Variants in ODAD2 observed in about 807,000 individuals in gnomAD.
The protein encoded by ODAD2 is outer dynein arm docking complex subunit 2.
Under a neutral mutation model 106.8 loss-of-function variants are expected in ODAD2, and 89 were observed. The observed-to-expected ratio is 0.83, with a 90% confidence interval of 0.70 to 0.99. The LOEUF (loss-of-function observed/expected upper bound fraction) is 0.99. Ranked by LOEUF, ODAD2 falls within the 50% of genes least tolerant of loss-of-function variation. The pLI, the probability that ODAD2 is intolerant of heterozygous loss-of-function variation, is 0.00. For missense variants in ODAD2, 1,168 were observed against 1,238.5 expected (o/e 0.94, Z 0.85); for synonymous variants, 404 against 436.2 (o/e 0.93, Z 0.92).
chr10:27,907,807 A>T (rs781058039), intron 16 of ODAD2, 30 bp from the exon 17 acceptor site: 52 of 1,398,598 alleles, frequency 3.7e-5, no homozygotes, highest in Admixed American at 1.5e-4. Context: ...CATGATATAA[A>T]CTGTCATTAG....
chr10:27,935,912 G>T (rs1424846724), intron 15 of ODAD2, among the ~76,000 whole-genome samples: 1 of 151,200 alleles, frequency 6.6e-6, no homozygotes, highest in Non-Finnish European at 1.5e-5. Context: ...CTACATAAAG[G>T]TAAATATTTG....
intron 1 of ODAD2, chr10:27,995,550 G>C (rs994339967): frequency 5.9e-6 from 1 of 168,664 alleles, no homozygotes; most frequent in African/African-American, 2.4e-5. Flanking sequence ...AGCTCTGTTG[G>C]GAGCCAGCAG....
At chr10:27,876,882 C>A (rs1841377500) in intron 17 of ODAD2, among the ~76,000 whole-genome samples, 1 of 152,180 alleles carries the variant, frequency 6.6e-6, no homozygotes, top group South Asian at 2.1e-4. Flanking sequence ...TGGTCATTCA[C>A]AGCTAAAGGC....
rs373274785 is a variant in ODAD2 at position 27,978,159 on chromosome 10, G to C, written c.936+3307C>G. On this transcript the variant is annotated intron_variant, in intron 7 of 19. Transcript: ENST00000305242. ...CAAATTGTGGCATATCCATACAATG[G>C]AATAATACACATCCATAAAAGCAAT... is the stretch of plus-strand genomic sequence containing the variant. Among the ~76,000 whole-genome samples the C allele has an allele frequency of 9.2e-5, 14 of 152,028 alleles. No homozygotes were observed. In the East Asian group the frequency reaches 1.5e-3, roughly 17 times the overall value.
intron 19 of ODAD2, among the ~76,000 whole-genome samples, chr10:27,857,422 T>A (rs1007209793): frequency 2.0e-5 from 3 of 152,194 alleles, no homozygotes; most frequent in Admixed American, 6.5e-5. Flanking sequence ...ATATGTGGAT[T>A]TTGACAGTGT....
chr10:27,991,069 ACC>A (rs1368692971), intron 2 of ODAD2, among the ~76,000 whole-genome samples: 2 of 152,188 alleles, frequency 1.3e-5, no homozygotes, highest in African/African-American at 4.8e-5. Context: ...GGTTCTATGT[ACC>A]ACAGATGGTA....
chr10:27,917,538 G>C (rs1362656788), intron 16 of ODAD2, among the ~76,000 whole-genome samples: 1 of 151,948 alleles, frequency 6.6e-6, no homozygotes, highest in African/African-American at 2.4e-5. Flanking sequence ...AGATATTAAT[G>C]AAACAGGGAA....
At chr10:27,980,946 G>A (rs1274312298) in intron 7 of ODAD2, among the ~76,000 whole-genome samples, 1 of 152,144 alleles carries the variant, frequency 6.6e-6, no homozygotes, top group African/African-American at 2.4e-5. Flanking sequence ...AGGGATGAAT[G>A]CATAAACCAA....
intron 16 of ODAD2, among the ~76,000 whole-genome samples, chr10:27,933,481 T>C (rs1383677549): frequency 6.6e-6 from 1 of 152,056 alleles, no homozygotes; most frequent in Non-Finnish European, 1.5e-5. Flanking sequence ...AATTTCAATG[T>C]TTTCAGGAAC....
intron 19 of ODAD2, among the ~76,000 whole-genome samples, chr10:27,859,888 A>G (rs1293276677): frequency 1.3e-5 from 2 of 152,158 alleles, no homozygotes; most frequent in Admixed American, 1.3e-4. Flanking sequence ...TATTGTTGTT[A>G]TGGTTTAGAC....
intron 19 of ODAD2, among the ~76,000 whole-genome samples, chr10:27,844,627 G>A (rs771566473): frequency 6.6e-6 from 1 of 152,134 alleles, no homozygotes; most frequent in African/African-American, 2.4e-5. Context: ...TTCTTTATCT[G>A]TAAAACTAAG....
At chr10:27,820,183 T>C (rs1476116236) in intron 19 of ODAD2, among the ~76,000 whole-genome samples, 1 of 152,082 alleles carries the variant, frequency 6.6e-6, no homozygotes, top group Non-Finnish European at 1.5e-5. Context: ...CTGACCTCCA[T>C]GGACACCAAT....
Position 27,885,703 on chromosome 10 carries a change from T to A in ODAD2, c.2610+21960A>T, listed in dbSNP as rs1842110562. Among the ~76,000 whole-genome samples, 2 of 51,330 alleles carry A rather than the reference T, an allele frequency of 3.9e-5. 1 individual carries two copies. The highest frequency in any genetic ancestry group is 1.0e-3 in the South Asian group (2 of 1,918). 33.7% of individuals were successfully genotyped at this position (51,330 alleles called of 152,430 possible). On this transcript the variant is annotated intron_variant, in intron 17 of 19. Coordinates refer to ENST00000305242, the MANE Select transcript of ODAD2 (RefSeq NM_018076.5). Reference sequence around the variant, plus strand: ...TATAATATATAATATATAATATATATAAAATATATATTATATATTATATAT... The same window carrying A: ...TATAATATATAATATATAATATATAAAAAATATATATTATATATTATATAT...
intron 10 of ODAD2, among the ~76,000 whole-genome samples, chr10:27,951,507 G>C (rs1847322388): frequency 6.6e-6 from 1 of 152,046 alleles, no homozygotes; most frequent in Admixed American, 6.6e-5. Context: ...GGGAAAAGCA[G>C]ATAGGCCAAT....
At chr10:27,838,014 A>C (rs561749828) in intron 19 of ODAD2, among the ~76,000 whole-genome samples, 9 of 152,372 alleles carry the variant, frequency 5.9e-5, no homozygotes, top group African/African-American at 2.2e-4. Flanking sequence ...CTAAGAATCT[A>C]AGATTTTTGT....
intron 19 of ODAD2, among the ~76,000 whole-genome samples, chr10:27,825,433 T>A (rs145888160): frequency 6.6e-6 from 1 of 152,350 alleles, no homozygotes; most frequent in East Asian, 1.9e-4. Flanking sequence ...GGGAGGATGG[T>A]AGCCTCCTTT....
intron 19 of ODAD2, among the ~76,000 whole-genome samples, chr10:27,828,839 C>T (rs1298934464): frequency 4.6e-5 from 7 of 151,924 alleles, no homozygotes; most frequent in Non-Finnish European, 1.0e-4. Context: ...AAGAAAAAAG[C>T]CAAACTGAGA....
chr10:27,961,892 CTG>C (rs1848169765), intron 9 of ODAD2, among the ~76,000 whole-genome samples, 177 bp from the exon 10 acceptor site: 2 of 152,182 alleles, frequency 1.3e-5, no homozygotes. Flanking sequence ...TAGCAAGACT[CTG>C]TCTCTACAAA....
At chr10:27,878,286 A>G (rs777306900) in intron 17 of ODAD2, among the ~76,000 whole-genome samples, 6 of 152,208 alleles carry the variant, frequency 3.9e-5, no homozygotes, top group Non-Finnish European at 8.8e-5. Context: ...CACAAATAAG[A>G]TGAAAAATAT....
Sources: gnomAD v4.1 joint callset for allele counts (sites outside exome capture counted in the v4.1 genomes callset) on GRCh38, gnomAD v4.1.1 for gene constraint, MANE v1.5 for transcripts, NCBI Gene and HGNC (gene_info 2026-07-23, HGNC 2026-07-21) for gene names.